The following KLF15 variants were observed in gnomAD, a reference collection of about 807,000 sequenced individuals.
KLF15 encodes KLF transcription factor 15, also known as Krueppel-like factor 15.
In KLF15, 4 loss-of-function variants were observed where a neutral mutation model predicts 24.6. The observed-to-expected ratio is 0.16, with a 90% CI of 0.08 to 0.37. KLF15 has a LOEUF of 0.37. Among genes scored for constraint, KLF15 ranks in the 10% least tolerant of loss-of-function variants. The pLI is 1.00. For missense variants in KLF15, 496 were observed against 560.6 expected (o/e 0.88, Z 1.16); for synonymous variants, 246 against 236.3 (o/e 1.04, Z -0.37).
At chr3:126,292,695 C>T in the KLF15 span, among the ~76,000 whole-genome samples, 8 of 151,860 alleles carry the variant, frequency 5.3e-5, no homozygotes, top group South Asian at 4.2e-4. Context: ...GGGAGGTGTC[C>T]ATGGGGTTGA....
rs763199066 is a variant in KLF15 at position 126,343,857 on chromosome 3, G to A, written c.1121C>T (p.Ser374Leu). 21 of 1,603,938 alleles carry A rather than the reference G, an allele frequency of 1.3e-5. No individual in the cohort carries two copies. Among genetic ancestry groups the A allele is most frequent in the Admixed American group, 1.7e-5 (1 of 58,200 alleles). ...CTGGTACGGCTTCACACCTGAGTGC[G>A]AGCGCCTGTGCCGCGACAGCTCGTC... ...RSDELSRHRRSHSGVKPYQCP... is the reference protein window; with the variant it reads ...RSDELSRHRRLHSGVKPYQCP... The change falls in exon 3 of 3, where the codon TCG becomes TTG. Residue 374 changes from serine to leucine, a missense_variant. Ser to Leu is a moderately radical substitution (Grantham distance 145). Transcript: ENST00000296233.
intron 2 of KLF15, among the ~76,000 whole-genome samples, chr3:126,346,047 T>C (rs759817628): frequency 8.5e-5 from 13 of 152,168 alleles, no homozygotes; most frequent in African/African-American, 2.2e-4. Flanking sequence ...TGACCTGGAC[T>C]CCCAGTCAGC....
chr3:126,343,591 C>A lies in KLF15; in HGVS notation c.*136G>T. Reference sequence around the variant, plus strand: ...GGCAGCGGTTGGCGGGCCCTGGGTTCACACCTCCCAGGCTTCAGAAGGTGG... The same window carrying A: ...GGCAGCGGTTGGCGGGCCCTGGGTTAACACCTCCCAGGCTTCAGAAGGTGG... On this transcript the variant is annotated 3_prime_UTR_variant, in exon 3 of 3. Transcript: ENST00000296233. 1 of 887,896 alleles carries A rather than the reference C, an allele frequency of 1.1e-6. No homozygotes were observed. Among genetic ancestry groups the A allele is most frequent in the Non-Finnish European group, 1.7e-6 (1 of 584,694 alleles). 55.0% of individuals were successfully genotyped at this position (887,896 alleles called of 1,614,324 possible).
downstream of KLF15, among the ~76,000 whole-genome samples, chr3:126,338,995 T>G (rs1209401701): frequency 1.3e-5 from 2 of 152,186 alleles, no homozygotes; most frequent in African/African-American, 2.4e-5. Flanking sequence ...CTGCGATCTC[T>G]ATCAGTGCTG....
chr3:126,330,681 A>G, the KLF15 span, among the ~76,000 whole-genome samples: 7 of 152,080 alleles, frequency 4.6e-5, no homozygotes, highest in Non-Finnish European at 1.0e-4. Flanking sequence ...TTAACAAGAC[A>G]TTTCTTCTTG....
At chr3:126,350,630 C>G (rs190521935) in intron 2 of KLF15, among the ~76,000 whole-genome samples, 1 of 152,380 alleles carries the variant, frequency 6.6e-6, no homozygotes, top group African/African-American at 2.4e-5. Flanking sequence ...AAGCTGCAAA[C>G]TGCTCCCCGG....
At position 126,356,707 on chromosome 3, in the gene KLF15, G is replaced by A. The variant is rs2082635084; in HGVS notation, c.-26+530C>T. On this transcript the variant is annotated intron_variant, in intron 1 of 2. Transcript: ENST00000296233. This position sits in a 1 kb window ranked among gnomAD's most constrained non-coding sequence, Gnocchi z 4.4. Reference sequence around the variant, plus strand: ...CCGCCGTGGGTGCCGGCGGGTGAGGGGAAACGTGCGTGGGAAATGAAGAGA... The same window carrying A: ...CCGCCGTGGGTGCCGGCGGGTGAGGAGAAACGTGCGTGGGAAATGAAGAGA... Among the ~76,000 whole-genome samples the A allele has an allele frequency of 6.6e-6, 1 of 152,098 alleles. No homozygotes were observed. The highest frequency in any genetic ancestry group is 6.5e-5 in the Admixed American group (1 of 15,286).
Position 126,352,709 on chromosome 3 carries a change from T to A in KLF15, c.214A>T (p.Ser72Cys), listed in dbSNP as rs2082595507. 6.3e-7 allele frequency: 1 copy of A among 1,582,304 alleles called. No homozygotes were observed. Among genetic ancestry groups the A allele is most frequent in the African/African-American group, 1.4e-5 (1 of 74,072 alleles). Residue 72 changes from serine (S) to cysteine (C), a missense_variant, in exon 2 of 3, where the codon AGC (serine) becomes TGC (cysteine). Physicochemically the swap from Ser to Cys is moderately radical, Grantham distance 112 (BLOSUM62 -1). Transcript: ENST00000296233. Reference sequence around the variant, plus strand: ...AGGAAGTCCAAGATGCTGTCCTGGCTCTCGGTGCCCAGGCCTCCACCATAG... The same window carrying A: ...AGGAAGTCCAAGATGCTGTCCTGGCACTCGGTGCCCAGGCCTCCACCATAG... ...SCYGGGLGTE[S>C]QDSILDFLLS...
At chr3:126,311,713 C>A in the KLF15 span, among the ~76,000 whole-genome samples, 1 of 152,230 alleles carries the variant, frequency 6.6e-6, no homozygotes. Flanking sequence ...CAGCCAGGTT[C>A]AAGGGCACTG....
At chr3:126,352,986 A>G in intron 1 of KLF15, 39 bp from the exon 2 acceptor site, 1 of 1,530,568 alleles carries the variant, frequency 6.5e-7, no homozygotes, top group Non-Finnish European at 8.8e-7. Flanking sequence ...TCAGAAGGAC[A>G]GTGCTCACCT....
At chr3:126,292,022 G>A in the KLF15 span, among the ~76,000 whole-genome samples, 7 of 152,134 alleles carry the variant, frequency 4.6e-5, no homozygotes, top group Admixed American at 6.5e-5. Flanking sequence ...AAGTGTCCAC[G>A]GAAGTGGCTG....
chr3:126,315,802 C>G, the KLF15 span, among the ~76,000 whole-genome samples: 1 of 152,154 alleles, frequency 6.6e-6, no homozygotes, highest in Non-Finnish European at 1.5e-5. Flanking sequence ...TCTCCTGCAC[C>G]TCCCTGGACT....
At chr3:126,349,662 C>G (rs997462096) in intron 2 of KLF15, among the ~76,000 whole-genome samples, 50 of 152,300 alleles carry the variant, frequency 3.3e-4, no homozygotes, top group African/African-American at 1.1e-3. Flanking sequence ...CCACACCTGC[C>G]CTCCCCATCA....
chr3:126,327,110 C>T, the KLF15 span, among the ~76,000 whole-genome samples: 4 of 152,264 alleles, frequency 2.6e-5, no homozygotes, highest in East Asian at 1.9e-4. Context: ...CCTAGGACAT[C>T]GTTCAGGATT....
At chr3:126,301,016 A>G in the KLF15 span, among the ~76,000 whole-genome samples, 3 of 152,154 alleles carry the variant, frequency 2.0e-5, no homozygotes, top group Non-Finnish European at 4.4e-5. Context: ...AACCTCACAA[A>G]GCCTCACGTT....
chr3:126,319,156 A>G, the KLF15 span, among the ~76,000 whole-genome samples: 1 of 152,224 alleles, frequency 6.6e-6, no homozygotes, highest in Non-Finnish European at 1.5e-5. Context: ...ATGATATTCC[A>G]TCGTCTCGAT....
intron 2 of KLF15, among the ~76,000 whole-genome samples, chr3:126,348,316 C>A (rs1372155538): frequency 6.6e-6 from 1 of 152,144 alleles, no homozygotes; most frequent in Admixed American, 6.5e-5. Context: ...AGAGCAGTGC[C>A]AAGTATGCAT....
chr3:126,292,792 T>A, the KLF15 span, among the ~76,000 whole-genome samples: 1 of 152,002 alleles, frequency 6.6e-6, no homozygotes, highest in South Asian at 2.1e-4. Flanking sequence ...AGAGGACCTT[T>A]CGAAGGTCTG....
the KLF15 span, among the ~76,000 whole-genome samples, chr3:126,301,239 G>A: frequency 6.9e-6 from 1 of 145,302 alleles, no homozygotes; most frequent in Non-Finnish European, 1.6e-5. Context: ...TGAGCACAAG[G>A]TTTTGACACT....
Sources: gnomAD v4.1 joint callset for allele counts (sites outside exome capture counted in the v4.1 genomes callset) on GRCh38, gnomAD v4.1.1 for gene constraint, Gnocchi (gnomAD v3.1) non-coding constraint, MANE v1.5 for transcripts, NCBI Gene and HGNC (gene_info 2026-07-23, HGNC 2026-07-21) for gene names.